DOCK3: variants seen among roughly 807,000 people sequenced by gnomAD.
DOCK3 encodes the protein dedicator of cytokinesis 3, also known as dedicator of cytokinesis protein 3.
Under a neutral mutation model 265.6 loss-of-function variants are expected in DOCK3, and 60 were observed. That is an observed-to-expected ratio of 0.23 (90% CI 0.18 to 0.28). The LOEUF is 0.28. Among genes scored for constraint, DOCK3 ranks in the 10% least tolerant of loss-of-function variants. The pLI, the probability that DOCK3 is intolerant of heterozygous loss-of-function variation, is 1.00. For missense variants in DOCK3, 1,981 were observed against 2,594.3 expected (o/e 0.76, Z 5.14); for synonymous variants, 881 against 938.0 (o/e 0.94, Z 1.11).
At chr3:51,256,685 C>CCGTG (rs1285048601) in intron 22 of DOCK3, among the ~76,000 whole-genome samples, 1 of 151,852 alleles carries the variant, frequency 6.6e-6, no homozygotes, top group Non-Finnish European at 1.5e-5. Context: ...CCTCCACCTC[C>CCGTG]CGTGTTCAAG....
At chr3:50,876,938 A>G (rs1223715397) in intron 3 of DOCK3, 1 of 154,372 alleles carries the variant, frequency 6.5e-6, no homozygotes, top group African/African-American at 2.4e-5. Flanking sequence ...TTAAAACATT[A>G]TGAGATTTTT....
intron 4 of DOCK3, among the ~76,000 whole-genome samples, chr3:50,917,965 T>C (rs915276047): frequency 5.3e-5 from 8 of 151,986 alleles, no homozygotes; most frequent in Non-Finnish European, 7.4e-5. Flanking sequence ...TGTGTCCAGG[T>C]GTTCTCATTG....
chr3:51,298,457 G>A (rs906853749), intron 27 of DOCK3, among the ~76,000 whole-genome samples: 1 of 152,172 alleles, frequency 6.6e-6, no homozygotes, highest in Non-Finnish European at 1.5e-5. Flanking sequence ...GTGCATGTTT[G>A]TTACATAGGT....
chr3:51,115,149 G>A (rs2083679911), intron 9 of DOCK3, among the ~76,000 whole-genome samples: 4 of 152,072 alleles, frequency 2.6e-5, no homozygotes, highest in Admixed American at 2.6e-4. Flanking sequence ...TAATCCTTAG[G>A]GTATATACCC....
chr3:51,025,529 C>T (rs1479482104), intron 5 of DOCK3, among the ~76,000 whole-genome samples: 1 of 152,148 alleles, frequency 6.6e-6, no homozygotes, highest in Non-Finnish European at 1.5e-5. Context: ...TTTCAGGCCG[C>T]ACCCCTCCCC....
At chr3:51,201,146 A>C (rs796801995) in intron 12 of DOCK3, among the ~76,000 whole-genome samples, 11 of 151,482 alleles carry the variant, frequency 7.3e-5, no homozygotes, top group South Asian at 2.1e-4. Flanking sequence ...CTAACATCAT[A>C]ATGACAGGAT....
At chr3:50,724,171 C>T (rs991666511) in intron 1 of DOCK3, among the ~76,000 whole-genome samples, 20 of 149,880 alleles carry the variant, frequency 1.3e-4, no homozygotes, top group South Asian at 2.1e-4. Flanking sequence ...GTTAGAATGG[C>T]GATCATTAAA....
intron 2 of DOCK3, among the ~76,000 whole-genome samples, chr3:50,795,717 CTG>C (rs1169561438): frequency 5.3e-5 from 8 of 152,130 alleles, no homozygotes; most frequent in African/African-American, 1.2e-4. Context: ...TATTTTCTGA[CTG>C]TTTTATTTCA....
intron 37 of DOCK3, among the ~76,000 whole-genome samples, chr3:51,339,580 G>A (rs1286470587): frequency 6.6e-6 from 1 of 152,166 alleles, no homozygotes; most frequent in Admixed American, 6.5e-5. Flanking sequence ...GCCAGATAGG[G>A]CTCCTTTCAT....
intron 4 of DOCK3, among the ~76,000 whole-genome samples, chr3:50,911,813 C>G (rs564037861): frequency 6.6e-6 from 1 of 152,100 alleles, no homozygotes; most frequent in South Asian, 2.1e-4. Context: ...CATGGACTTT[C>G]TTTTCCTTTA....
chr3:51,258,371 C>T (rs1308011074), intron 22 of DOCK3, among the ~76,000 whole-genome samples: 2 of 152,126 alleles, frequency 1.3e-5, no homozygotes, highest in East Asian at 1.9e-4. Flanking sequence ...CTGCATCTTC[C>T]GGGGCTTGGG....
chr3:51,367,850 T>C (rs1327726509), intron 49 of DOCK3, among the ~76,000 whole-genome samples: 2 of 152,258 alleles, frequency 1.3e-5, no homozygotes, highest in African/African-American at 4.8e-5. Context: ...GAGTTTCTGC[T>C]GAGAGATCTG....
rs759807960 is a variant in DOCK3 at position 51,227,458 on chromosome 3, T to TC, written c.1540+20dup. 154 of 1,613,088 alleles carry TC rather than the reference T, an allele frequency of 9.5e-5. 1 individual carries two copies. The South Asian group carries it at 1.2e-3, about 13-fold the overall frequency. On this transcript the variant is annotated intron_variant, in intron 16 of 52. Transcript: ENST00000266037. ...AGACATTGTTCCAGTGAGTTAGACT[T>TC]CCCCCCCTCCACATTCCCTTGAGAA...
At chr3:50,692,592 G>A (rs1559519186) in intron 1 of DOCK3, among the ~76,000 whole-genome samples, 1 of 152,072 alleles carries the variant, frequency 6.6e-6, no homozygotes, top group South Asian at 2.1e-4. Context: ...TGTGGCCCAG[G>A]GGTTAGGGAC....
At chr3:50,705,267 CATCTT>C (rs942884873) in intron 1 of DOCK3, among the ~76,000 whole-genome samples, 7 of 152,198 alleles carry the variant, frequency 4.6e-5, no homozygotes, top group African/African-American at 1.7e-4. Context: ...ACCCAAATCT[CATCTT>C]GAACTGTAAT....
intron 32 of DOCK3, among the ~76,000 whole-genome samples, chr3:51,321,528 C>T (rs2083726765): frequency 1.3e-5 from 2 of 152,096 alleles, no homozygotes; most frequent in South Asian, 4.1e-4. Context: ...TAACAAACTC[C>T]TCCAAGCTAA....
In DOCK3 at chr3:51,356,383, T is replaced by A. The variant is rs201122099; in HGVS notation, c.4417-24T>A. The A allele has an allele frequency of 8.7e-6, 14 of 1,613,402 alleles. No individual in the cohort carries two copies. In the East Asian group the frequency reaches 2.9e-4, roughly 33 times the overall value. On this transcript the variant is annotated intron_variant, in intron 42 of 52. Coordinates refer to ENST00000266037, the MANE Select transcript of DOCK3 (RefSeq NM_004947.5). ...GTGGCAAAACTTGCCTAACTGCCCA[T>A]ACCTGCCTGTTCCCTCCCTACAGAG...
intron 9 of DOCK3, among the ~76,000 whole-genome samples, chr3:51,117,233 G>A (rs145897662): frequency 3.3e-5 from 5 of 152,294 alleles, no homozygotes; most frequent in African/African-American, 9.6e-5. Flanking sequence ...TGTGGTTTTT[G>A]TCATTGGTTC....
chr3:51,048,220 A>G (rs1188913836), intron 5 of DOCK3, among the ~76,000 whole-genome samples: 1 of 152,128 alleles, frequency 6.6e-6, no homozygotes, highest in South Asian at 2.1e-4. Flanking sequence ...TAAGTATACA[A>G]TGAATGTACT....
Sources: allele counts gnomAD v4.1 joint callset (sites outside exome capture counted in the v4.1 genomes callset), GRCh38; gene constraint gnomAD v4.1.1; transcripts MANE v1.5; gene names NCBI Gene and HGNC (gene_info 2026-07-23, HGNC 2026-07-21).